The following TRPV5 variants were observed in gnomAD, a reference collection of about 807,000 sequenced individuals.
TRPV5 encodes the protein transient receptor potential cation channel subfamily V member 5.
TRPV5 carries 66 observed loss-of-function variants against 74.1 expected under a neutral mutation model. The ratio of observed to expected loss-of-function variants is 0.89; its 90% CI spans 0.73 to 1.09. TRPV5 has a LOEUF of 1.09. Among genes scored for constraint, TRPV5 ranks in the 50% least tolerant of loss-of-function variants. The pLI, the probability that TRPV5 is intolerant of heterozygous loss-of-function variation, is 0.00. For synonymous variants in TRPV5, 399 were observed against 360.7 expected, an observed-to-expected ratio of 1.11 and a Z score of -1.20; for missense variants, 936 against 930.4, an observed-to-expected ratio of 1.01 and a Z score of -0.08.
intron 13 of TRPV5, among the ~76,000 whole-genome samples, 192 bp downstream of exon 13, chr7:142,912,290 C>T (rs1474763286): frequency 1.3e-5 from 2 of 152,220 alleles, no homozygotes; most frequent in Non-Finnish European, 2.9e-5. Flanking sequence ...TTGCCACTAT[C>T]GTCCATTTAA....
Position 142,933,671 on chromosome 7 carries a change from G to A in TRPV5, c.-212C>T. Reference sequence around the variant, plus strand: ...GGGTGTGCGTGTATGCACAGTGTGTGGCTGTGGTGTATGTGTGTGCATGCA... The same window carrying A: ...GGGTGTGCGTGTATGCACAGTGTGTAGCTGTGGTGTATGTGTGTGCATGCA... On this transcript the variant is annotated 5_prime_UTR_variant, in exon 1 of 15. Transcript: ENST00000265310. 1 of 623,048 alleles carries A rather than the reference G, an allele frequency of 1.6e-6. No individual in the cohort carries two copies. Among genetic ancestry groups the A allele is most frequent in the South Asian group, 2.0e-5 (1 of 49,466 alleles). 38.6% of individuals were successfully genotyped at this position (623,048 alleles called of 1,614,324 possible). A position where few individuals can be genotyped will look rare whatever the true frequency, so the allele number is the denominator to read the frequency against.
intron 10 of TRPV5, 22 bp downstream of exon 10, chr7:142,915,285 G>A: frequency 6.2e-7 from 1 of 1,608,292 alleles, no homozygotes; most frequent in Admixed American, 1.7e-5. Context: ...AAGGCAGGGG[G>A]CTGGAATGAG....
In TRPV5 at chr7:142,908,170, A is replaced by T. The variant is rs4252511; in HGVS notation, c.*344T>A. The T allele has an allele frequency of 0.82, 248,385 of 301,634 alleles. 108,325 individuals are homozygous for T. The highest frequency in any genetic ancestry group is 0.97 in the East Asian group (15,847 of 16,268). 18.7% of individuals were successfully genotyped at this position (301,634 alleles called of 1,614,324 possible). On this transcript the variant is annotated 3_prime_UTR_variant, in exon 15 of 15. Transcript: ENST00000265310. Reference sequence around the variant, plus strand: ...CCACGTAAGCCCTGGGGAGCCAGAAAAGCCTCACAGCTTACTACTTTCTAG... The same window carrying T: ...CCACGTAAGCCCTGGGGAGCCAGAATAGCCTCACAGCTTACTACTTTCTAG...
chr7:142,912,810 G>GAC, intron 12 of TRPV5, 60 bp from the exon 13 acceptor site: 2 of 1,550,612 alleles, frequency 1.3e-6, no homozygotes, highest in Non-Finnish European at 1.8e-6. Context: ...AATAAGCATG[G>GAC]ACATGGTTAG....
chr7:142,917,050 C>T (rs1365382266), intron 8 of TRPV5, among the ~76,000 whole-genome samples: 1 of 150,922 alleles, frequency 6.6e-6, no homozygotes, highest in Non-Finnish European at 1.5e-5. Context: ...TTGTTTTGTT[C>T]TATTTTTTTG....
At chr7:142,914,751 A>G in intron 11 of TRPV5, 45 bp from the exon 12 acceptor site, 2 of 1,610,392 alleles carry the variant, frequency 1.2e-6, no homozygotes, top group African/African-American at 1.3e-5. Flanking sequence ...TTCCTTTTCC[A>G]CTGCTTTTGA....
intron 8 of TRPV5, among the ~76,000 whole-genome samples, chr7:142,916,232 G>T (rs1331640131): frequency 6.6e-6 from 1 of 152,132 alleles, no homozygotes; most frequent in Non-Finnish European, 1.5e-5. Context: ...TGACATTACA[G>T]AAAAGAGCAG....
At chr7:142,931,078 A>G (rs1208173801) in intron 1 of TRPV5, among the ~76,000 whole-genome samples, 1 of 126,384 alleles carries the variant, frequency 7.9e-6, no homozygotes, top group Non-Finnish European at 1.6e-5. Context: ...GCTGGAGTGC[A>G]GTGGTACAAT....
At position 142,912,540 on chromosome 7, in the gene TRPV5, A is replaced by G. The variant is rs1018595696; in HGVS notation, c.1730T>C (p.Met577Thr). 1 of 1,614,228 alleles carries G rather than the reference A, an allele frequency of 6.2e-7. No individual in the cohort carries two copies. The highest frequency in any genetic ancestry group is 8.5e-7 in the Non-Finnish European group (1 of 1,180,034). The part of the protein sequence containing the change: ...TLLMLNLFIA[M>T]MGDTHWRVAQ... ...CACCCTCCAGTGGGTGTCGCCCATC[A>G]TGGCGATGAACAAGTTGAGCATGAG... Residue 577 changes from methionine (M) to threonine (T), a missense_variant, in exon 13 of 15, where the codon ATG becomes ACG. Physicochemically the swap from Met to Thr is moderately conservative, Grantham distance 81. Transcript: ENST00000265310.
intron 12 of TRPV5, among the ~76,000 whole-genome samples, chr7:142,913,469 T>C (rs566676683): frequency 6.6e-6 from 1 of 152,254 alleles, no homozygotes; most frequent in South Asian, 2.1e-4. Context: ...GAAGTGAACA[T>C]TTAGAGAGTT....
intron 13 of TRPV5, among the ~76,000 whole-genome samples, chr7:142,911,821 A>G (rs904268050): frequency 3.3e-5 from 5 of 152,226 alleles, no homozygotes; most frequent in African/African-American, 1.2e-4. Flanking sequence ...TATATGGAAG[A>G]ATGTGTTCTG....
rs1190952911 is a variant in TRPV5 at position 142,909,503 on chromosome 7, G to T, written c.1882C>A (p.Arg628Ser). ...ICGCEFGLGD[R>S]WFLRVENHND... ...ACCATCACTCACCGCAGGAACCAGC[G>T]GTCCCCCAGCCCGAATTCGCACCCA... The change falls in exon 14 of 15, where the codon CGC (arginine) becomes AGC (serine). Residue 628 changes from arginine (R) to serine (S), a missense_variant. Coordinates refer to ENST00000265310, the MANE Select transcript of TRPV5 (RefSeq NM_019841.7). 6.2e-7 allele frequency: 1 copy of T among 1,613,846 alleles called. No individual in the cohort carries two copies.
At position 142,912,750 on chromosome 7, in the gene TRPV5, G is replaced by A. The variant is rs370076422; in HGVS notation, c.1520C>T (p.Ala507Val). 1.7e-5 allele frequency: 28 copies of A among 1,612,448 alleles called. No homozygotes were observed. The highest frequency in any genetic ancestry group is 1.2e-4 in the African/African-American group (9 of 74,904). Residue 507 changes from alanine (A) to valine (V), a missense_variant and splice_region_variant, in exon 13 of 15, where the codon GCG (alanine) becomes GTG (valine). Transcript: ENST00000265310. ...CTCTGTCTGGAAAATGATATAGAACGCTGCTCCGCCCAGGAAGAGGACATG... is the reference window on the plus strand; with the variant it reads ...CTCTGTCTGGAAAATGATATAGAACACTGCTCCGCCCAGGAAGAGGACATG... ...MAVVILGFAS[A>V]FYIIFQTEDP...
chr7:142,908,900 A>T lies in TRPV5; in HGVS notation c.1896-92T>A, dbSNP rs1795661115. 3 of 1,308,230 alleles carry T rather than the reference A, an allele frequency of 2.3e-6. 1 individual carries two copies. The South Asian group carries it at 4.2e-5, about 18-fold the overall frequency. The allele number at this position is 1,308,230 out of a possible 1,614,324, so 81.0% of individuals were successfully genotyped here. On this transcript the variant is annotated intron_variant, in intron 14 of 14. Coordinates refer to ENST00000265310, the MANE Select transcript of TRPV5 (RefSeq NM_019841.7). The stretch of plus-strand genomic sequence containing the variant: ...TGACCATTTAGAAAGCAGGGTCAAG[A>T]GGGAAGCAGAAATAAGGCAGCAGAG...
At position 142,915,235 on chromosome 7, in the gene TRPV5, C is replaced by G. The variant is rs1000309592; in HGVS notation, c.1286+72G>C. 135 of 1,581,400 alleles carry G rather than the reference C, an allele frequency of 8.5e-5. 1 individual carries two copies. Among genetic ancestry groups the G allele is most frequent in the South Asian group, 7.1e-4 (63 of 88,498 alleles). ...TGAGAGTGACCTGAGGCCTAGAACT[C>G]AGAGAGTGAGCTGGAGACAGGAAAA... On this transcript the variant is annotated intron_variant, in intron 10 of 14. Coordinates refer to ENST00000265310, the MANE Select transcript of TRPV5 (RefSeq NM_019841.7).
chr7:142,927,114 T>C (rs180757428), intron 7 of TRPV5, among the ~76,000 whole-genome samples: 25 of 147,320 alleles, frequency 1.7e-4, no homozygotes, highest in African/African-American at 6.5e-4. Context: ...TAAAAAGCTC[T>C]TTTTTTTCTC....
At position 142,930,269 on chromosome 7, in the gene TRPV5, T is replaced by C. The variant is rs113073533; in HGVS notation, c.226+80A>G. On this transcript the variant is annotated intron_variant, in intron 2 of 14. Transcript: ENST00000265310. ...GCTCCAGAGACACCCTCCAAGGCCC[T>C]ATTTCACAAACTCGAAGTCTTGGGG... 4.0e-5 allele frequency: 64 copies of C among 1,610,408 alleles called. 1 individual carries two copies. The Middle Eastern group carries it at 2.0e-3, about 50-fold the overall frequency.
intron 12 of TRPV5, 129 bp downstream of exon 12, chr7:142,914,506 AAAAAC>A: frequency 1.2e-6 from 1 of 867,996 alleles, no homozygotes; most frequent in Admixed American, 2.7e-5. Flanking sequence ...TCCAACAGGA[AAAAAC>A]AAAACAAAAA....
intron 1 of TRPV5, among the ~76,000 whole-genome samples, chr7:142,931,384 T>TATA: frequency 6.6e-6 from 1 of 152,124 alleles, no homozygotes; most frequent in African/African-American, 2.4e-5. Flanking sequence ...GGTGCCTCTT[T>TATA]CTTCTGCATT....
Sources: allele counts gnomAD v4.1 joint callset (sites outside exome capture counted in the v4.1 genomes callset), GRCh38; gene constraint gnomAD v4.1.1; transcripts MANE v1.5; gene names NCBI Gene and HGNC (gene_info 2026-07-23, HGNC 2026-07-21).